Variants in PUM3 observed in about 807,000 individuals in gnomAD.
The protein encoded by PUM3 is pumilio homolog 3.
In PUM3, 91 loss-of-function variants were observed where a neutral mutation model predicts 84.0. That is an observed-to-expected ratio of 1.08 (90% CI 0.91 to 1.29). PUM3 has a LOEUF of 1.29. PUM3 is among the 50% of genes most tolerant of loss of function. The pLI, the probability that PUM3 is intolerant of heterozygous loss-of-function variation, is 0.00. For synonymous variants in PUM3, 321 were observed against 266.7 expected (o/e 1.20, Z -1.98); for missense variants, 1,067 against 767.5 (o/e 1.39, Z -4.61).
At chr9:2,817,252 C>T (rs762082987) in intron 13 of PUM3, among the ~76,000 whole-genome samples, 5 of 152,282 alleles carry the variant, frequency 3.3e-5, no homozygotes, top group Admixed American at 6.5e-5. Flanking sequence ...TAATAGAATA[C>T]TATTTGGCAG....
intron 12 of PUM3, among the ~76,000 whole-genome samples, chr9:2,822,115 T>C (rs968628131): frequency 5.3e-5 from 8 of 152,102 alleles, no homozygotes; most frequent in Non-Finnish European, 1.2e-4. Context: ...CAGAAGGTGG[T>C]ACAGAATTGA....
intron 13 of PUM3, among the ~76,000 whole-genome samples, chr9:2,815,721 A>G (rs779527699): frequency 4.6e-5 from 7 of 152,214 alleles, no homozygotes; most frequent in African/African-American, 1.7e-4. Flanking sequence ...AGATTAAATA[A>G]AGCTAGCTGA....
intron 13 of PUM3, among the ~76,000 whole-genome samples, chr9:2,817,190 C>G (rs1045491928): frequency 5.3e-5 from 8 of 152,094 alleles, no homozygotes; most frequent in East Asian, 1.9e-4. Context: ...TGTAAACAAC[C>G]TAAACATCCA....
intron 3 of PUM3, among the ~76,000 whole-genome samples, chr9:2,834,986 T>C (rs1816082457): frequency 2.0e-5 from 3 of 147,738 alleles, no homozygotes; most frequent in African/African-American, 7.5e-5. Context: ...ACTATCTCCC[T>C]GTCTCTATAA....
rs149876373 is a variant in PUM3, at chr9:2,805,768, C to T, written c.1815-1305G>A. ...GCATCATCCAATCTAGTTTTCATAA[C>T]GACCATAGGGTTATCATTAATCTCA... On this transcript the variant is annotated intron_variant, in intron 17 of 17. Coordinates refer to ENST00000397885, the MANE Select transcript of PUM3 (RefSeq NM_014878.5). Among the ~76,000 whole-genome samples, 3 of 152,006 alleles carry T rather than the reference C, an allele frequency of 2.0e-5. No homozygotes were observed. In the East Asian group the frequency reaches 5.8e-4, roughly 29 times the overall value.
intron 9 of PUM3, 54 bp from the exon 10 acceptor site, chr9:2,827,205 T>G: frequency 7.9e-7 from 1 of 1,258,696 alleles, no homozygotes; most frequent in Non-Finnish European, 1.1e-6. Flanking sequence ...ACTACAGTCA[T>G]ACAAAGACAG....
chr9:2,817,126 A>T (rs989711526), intron 13 of PUM3, among the ~76,000 whole-genome samples: 1 of 152,276 alleles, frequency 6.6e-6, no homozygotes, highest in African/African-American at 2.4e-5. Flanking sequence ...ATACACAAGA[A>T]TGTTCAAGGA....
chr9:2,814,893 G>C (rs1000295043), intron 13 of PUM3, among the ~76,000 whole-genome samples: 1 of 151,988 alleles, frequency 6.6e-6, no homozygotes, highest in Non-Finnish European at 1.5e-5. Flanking sequence ...TTTTTTCCTT[G>C]GTATAGGGAG....
At chr9:2,817,145 A>C (rs1563828146) in intron 13 of PUM3, among the ~76,000 whole-genome samples, 2 of 152,280 alleles carry the variant, frequency 1.3e-5, no homozygotes, top group South Asian at 4.1e-4. Context: ...GATTTGGATT[A>C]GCAAAAATTA....
chr9:2,820,558 A>G lies in PUM3; in HGVS notation c.1189-460T>C, dbSNP rs142264576. Among the ~76,000 whole-genome samples the G allele has an allele frequency of 8.4e-3, 1,284 of 152,240 alleles. 9 individuals are homozygous for G. Among genetic ancestry groups the G allele is most frequent in the Middle Eastern group, 0.034 (10 of 294 alleles). On this transcript the variant is annotated intron_variant, in intron 12 of 17. Transcript: ENST00000397885. ...ACATACACACACACACACGATATAC[A>G]TAATACATGTACACAGAAAATCCTG...
intron 3 of PUM3, 101 bp from the exon 4 acceptor site, chr9:2,834,267 C>G (rs1395057972): frequency 4.0e-6 from 4 of 1,005,202 alleles, no homozygotes; most frequent in Non-Finnish European, 4.3e-6. Context: ...AGGATCAATG[C>G]TCATTCTGGA....
At chr9:2,814,808 A>T (rs1046693215) in intron 13 of PUM3, among the ~76,000 whole-genome samples, 2 of 152,194 alleles carry the variant, frequency 1.3e-5, no homozygotes, top group African/African-American at 4.8e-5. Flanking sequence ...TGAGAACAAA[A>T]CCAAAACAAA....
At chr9:2,804,850 A>G (rs1420947725) in intron 17 of PUM3, among the ~76,000 whole-genome samples, 3 of 152,312 alleles carry the variant, frequency 2.0e-5, no homozygotes, top group East Asian at 1.9e-4. Context: ...TATTTATTTC[A>G]TGATGCTACA....
intron 7 of PUM3, among the ~76,000 whole-genome samples, chr9:2,830,325 A>G (rs1815941880): frequency 6.6e-6 from 1 of 152,242 alleles, no homozygotes; most frequent in Non-Finnish European, 1.5e-5. Context: ...TCAACTGCAT[A>G]TATTACACTT....
intron 15 of PUM3, 115 bp from the exon 16 acceptor site, chr9:2,810,546 A>C: frequency 6.0e-6 from 4 of 670,748 alleles, no homozygotes; most frequent in Non-Finnish European, 5.0e-6. Flanking sequence ...AGCCACTTTT[A>C]AAGTTCCACA....
chr9:2,812,266 G>C lies in PUM3; in HGVS notation c.1366C>G (p.Arg456Gly). 2 of 1,613,074 alleles carry C rather than the reference G, an allele frequency of 1.2e-6. No homozygotes were observed. Among genetic ancestry groups the C allele is most frequent in the Non-Finnish European group, 1.7e-6 (2 of 1,179,222 alleles). ...LSPRDPAHTV[R>G]EIIEVLQKGD... ...TTTTGCAGAACTTCAATGATTTCTC[G>C]TACTGTATGTGCAGGATCTCTGGGG... is the stretch of plus-strand genomic sequence containing the variant. The change falls in exon 14 of 18, where the codon CGA becomes GGA. Residue 456 changes from arginine (R) to glycine (G), a missense_variant. Transcript: ENST00000397885.
intron 5 of PUM3, among the ~76,000 whole-genome samples, chr9:2,832,222 T>C (rs1816002314): frequency 6.6e-6 from 1 of 152,206 alleles, no homozygotes; most frequent in Non-Finnish European, 1.5e-5. Flanking sequence ...ATTGAGCACC[T>C]ATTATATAAT....
At chr9:2,813,893 G>A (rs1431410013) in intron 13 of PUM3, among the ~76,000 whole-genome samples, 2 of 152,154 alleles carry the variant, frequency 1.3e-5, no homozygotes, top group Non-Finnish European at 2.9e-5. Context: ...GCACTACTGA[G>A]AGCTGCACAC....
At chr9:2,806,918 A>G (rs1168866686) in intron 17 of PUM3, among the ~76,000 whole-genome samples, 1 of 152,224 alleles carries the variant, frequency 6.6e-6, no homozygotes, top group East Asian at 1.9e-4. Flanking sequence ...ATTCATTAAA[A>G]AAAATACAGG....
Sources: gnomAD v4.1 joint callset for allele counts (sites outside exome capture counted in the v4.1 genomes callset) on GRCh38, gnomAD v4.1.1 for gene constraint, MANE v1.5 for transcripts, NCBI Gene and HGNC (gene_info 2026-07-23, HGNC 2026-07-21) for gene names.